DENND11: variants seen among roughly 807,000 people sequenced by gnomAD.
The protein encoded by DENND11 is DENN domain containing 11.
A neutral mutation model predicts 49.2 loss-of-function variants in DENND11; 34 were observed. The observed-to-expected ratio is 0.69, with a 90% CI of 0.53 to 0.92. DENND11 has a LOEUF of 0.92. Ranked by LOEUF, DENND11 falls within the 40% of genes least tolerant of loss-of-function variation. DENND11 has a pLI of 0.00. For missense variants in DENND11, 475 were observed against 581.6 expected, an observed-to-expected ratio of 0.82 and a Z score of 1.88; for synonymous variants, 238 against 230.3, an observed-to-expected ratio of 1.03 and a Z score of -0.30.
At chr7:141,663,079 C>G in intron 8 of DENND11, 1 of 408,914 alleles carries the variant, frequency 2.4e-6, no homozygotes, top group Non-Finnish European at 4.3e-6. Context: ...AGGGAAATCT[C>G]TAAGCAAGAT....
chr7:141,684,411 C>T (rs1381466853), intron 3 of DENND11, among the ~76,000 whole-genome samples: 1 of 152,162 alleles, frequency 6.6e-6, no homozygotes, highest in Non-Finnish European at 1.5e-5. Context: ...TTCATTAACA[C>T]AGCCTGCTAT....
At chr7:141,672,014 T>C (rs549526227) in intron 4 of DENND11, among the ~76,000 whole-genome samples, 1 of 152,350 alleles carries the variant, frequency 6.6e-6, no homozygotes, top group East Asian at 1.9e-4. Context: ...CCAGCTAGTA[T>C]TTCTCCAGGA....
chr7:141,667,441 G>A (rs561648617), intron 4 of DENND11, among the ~76,000 whole-genome samples: 3 of 152,078 alleles, frequency 2.0e-5, no homozygotes, highest in East Asian at 1.9e-4. Context: ...CACCTACCTC[G>A]TAGGGTTACT....
intron 4 of DENND11, among the ~76,000 whole-genome samples, chr7:141,672,436 A>G (rs1377334455): frequency 6.6e-6 from 1 of 152,254 alleles, no homozygotes; most frequent in Non-Finnish European, 1.5e-5. Flanking sequence ...AAGCAAGCTC[A>G]CATAGTGGAG....
chr7:141,667,461 G>A (rs751249774), intron 4 of DENND11, among the ~76,000 whole-genome samples: 1 of 152,138 alleles, frequency 6.6e-6, no homozygotes, highest in African/African-American at 2.4e-5. Flanking sequence ...TTTAAGGACC[G>A]CCTGAGACAA....
chr7:141,683,279 A>G (rs962944734), intron 3 of DENND11, among the ~76,000 whole-genome samples: 1 of 151,110 alleles, frequency 6.6e-6, no homozygotes, highest in African/African-American at 2.4e-5. Context: ...AATTAAAAAT[A>G]AAAGAACTAT....
At chr7:141,687,746 C>T (rs552037751) in intron 1 of DENND11, among the ~76,000 whole-genome samples, 63 of 151,420 alleles carry the variant, frequency 4.2e-4, no homozygotes, top group East Asian at 3.0e-3. Context: ...GCCATTCTCC[C>T]GCCTCAGCCT....
intron 4 of DENND11, among the ~76,000 whole-genome samples, chr7:141,671,726 A>G (rs974779242): frequency 1.3e-5 from 2 of 152,208 alleles, no homozygotes; most frequent in African/African-American, 4.8e-5. Flanking sequence ...GGATTTGGAG[A>G]TAATTCCAAC....
chr7:141,667,854 T>C (rs1249893831), intron 4 of DENND11, among the ~76,000 whole-genome samples: 2 of 152,118 alleles, frequency 1.3e-5, no homozygotes, highest in Non-Finnish European at 2.9e-5. Context: ...CCCTACCCCA[T>C]GCCAGGATAA....
intron 3 of DENND11, among the ~76,000 whole-genome samples, chr7:141,674,551 G>A (rs1300116939): frequency 6.6e-6 from 1 of 152,150 alleles, no homozygotes; most frequent in Non-Finnish European, 1.5e-5. Context: ...GAGACTGGGT[G>A]CCACTTCCCA....
chr7:141,685,012 C>CAAAAA lies in DENND11; in HGVS notation c.527+461_527+465dup, dbSNP rs869107786. On this transcript the variant is annotated intron_variant, in intron 3 of 8. Coordinates refer to ENST00000536163, the MANE Select transcript of DENND11 (RefSeq NM_001080392.2). ...CAATATAGTAAGAGCCTGTCTCTAC[C>CAAAAA]AAAAAAAAAAAAAAAAAATATATAT... is the stretch of plus-strand genomic sequence containing the variant. Among the ~76,000 whole-genome samples the CAAAAA allele has an allele frequency of 3.5e-4, 14 of 40,232 alleles. 1 individual carries two copies. Among genetic ancestry groups the CAAAAA allele is most frequent in the African/African-American group, 5.8e-4 (7 of 12,094 alleles). The allele number at this position is 40,232 out of a possible 152,430, so 26.4% of individuals were successfully genotyped here. A position where few individuals can be genotyped will look rare whatever the true frequency, so the allele number is the denominator to read the frequency against.
At chr7:141,698,047 CCAGA>C (rs1798443980) in intron 1 of DENND11, among the ~76,000 whole-genome samples, 1 of 152,174 alleles carries the variant, frequency 6.6e-6, no homozygotes, top group African/African-American at 2.4e-5. Context: ...GGAATTTCTC[CCAGA>C]CACCCACAAT....
At chr7:141,674,421 G>A (rs1251565395) in intron 3 of DENND11, among the ~76,000 whole-genome samples, 1 of 152,168 alleles carries the variant, frequency 6.6e-6, no homozygotes, top group Non-Finnish European at 1.5e-5. Context: ...CTTAGGAAAA[G>A]TTCAAACATG....
At chr7:141,680,881 G>C (rs981539398) in intron 3 of DENND11, among the ~76,000 whole-genome samples, 5 of 152,084 alleles carry the variant, frequency 3.3e-5, no homozygotes, top group Non-Finnish European at 7.4e-5. Context: ...CGACTGCCAT[G>C]CTGGAAAAGC....
At chr7:141,699,448 A>G (rs994135120) in intron 1 of DENND11, among the ~76,000 whole-genome samples, 17 of 152,218 alleles carry the variant, frequency 1.1e-4, no homozygotes, top group African/African-American at 3.9e-4. Flanking sequence ...AAGGTCTATC[A>G]GAGTATTTTT....
At chr7:141,701,037 AG>A (rs1798502760) in intron 1 of DENND11, among the ~76,000 whole-genome samples, 1 of 152,094 alleles carries the variant, frequency 6.6e-6, no homozygotes, top group South Asian at 2.1e-4. Context: ...TCTCAGAGTC[AG>A]AAGTCCCTAG....
At chr7:141,682,705 C>G (rs1030240797) in intron 3 of DENND11, among the ~76,000 whole-genome samples, 3 of 152,144 alleles carry the variant, frequency 2.0e-5, no homozygotes, top group African/African-American at 7.2e-5. Flanking sequence ...CTGCCTACCT[C>G]TACGCTATGA....
In DENND11 at chr7:141,686,652, A is replaced by G. The variant is rs150292542; in HGVS notation, c.275T>C (p.Met92Thr). The change falls in exon 2 of 9, where the codon ATG (methionine) becomes ACG (threonine). Residue 92 changes from methionine to threonine, a missense_variant. By Grantham distance (81) the Met-to-Thr change is moderately conservative. Coordinates refer to ENST00000536163, the MANE Select transcript of DENND11 (RefSeq NM_001080392.2). ...ATCTTGAGGTAAGCACCATTCTACCATGTTTCCTGCAGGAAAAGGAAGATG... is the reference window on the plus strand; with the variant it reads ...ATCTTGAGGTAAGCACCATTCTACCGTGTTTCCTGCAGGAAAAGGAAGATG... ...VVTFDPRSGN[M>T]VEWCLPQDID... 1.4e-4 allele frequency: 221 copies of G among 1,610,374 alleles called. 1 individual carries two copies. In the African/African-American group the frequency reaches 2.5e-3, roughly 18 times the overall value.
chr7:141,674,011 C>T (rs1798025658), intron 4 of DENND11, 56 bp downstream of exon 4: 32 of 1,548,048 alleles, frequency 2.1e-5, no homozygotes, highest in Non-Finnish European at 2.8e-5. Flanking sequence ...TAATCAACAG[C>T]TACTATTCCC....
Sources: allele counts gnomAD v4.1 joint callset (sites outside exome capture counted in the v4.1 genomes callset), GRCh38; gene constraint gnomAD v4.1.1; transcripts MANE v1.5; gene names NCBI Gene and HGNC (gene_info 2026-07-23, HGNC 2026-07-21).